Variants in SPTBN4 observed in about 807,000 individuals in gnomAD.
SPTBN4 encodes spectrin beta chain, non-erythrocytic 4.
Under a neutral mutation model 277.8 loss-of-function variants are expected in SPTBN4, and 96 were observed. That is an observed-to-expected ratio of 0.35 (90% CI 0.29 to 0.41). The LOEUF (loss-of-function observed/expected upper bound fraction) is 0.41. Among genes scored for constraint, SPTBN4 ranks in the 10% least tolerant of loss-of-function variants. SPTBN4 has a pLI of 1.00. For missense variants in SPTBN4, 3,006 were observed against 3,595.7 expected (o/e 0.84, Z 4.19); for synonymous variants, 1,481 against 1,580.3 (o/e 0.94, Z 1.49).
At chr19:40,496,898 C>T (rs1166771092) in intron 6 of SPTBN4, among the ~76,000 whole-genome samples, 2 of 151,700 alleles carry the variant, frequency 1.3e-5, no homozygotes, top group Non-Finnish European at 2.9e-5. Flanking sequence ...CATGGTGAAA[C>T]CCCGTCTCTA....
rs74259515 is a variant in SPTBN4, at chr19:40,478,835, C to T, written c.169+6045C>T. The stretch of plus-strand genomic sequence containing the variant: ...GTGCTGGGATTACAGGCGTGAGCCA[C>T]GCCCGGCCTGTATGACTTTCATAAA... On this transcript the variant is annotated intron_variant, in intron 2 of 35. Coordinates refer to ENST00000598249, the MANE Select transcript of SPTBN4 (RefSeq NM_020971.3). Among the ~76,000 whole-genome samples the T allele has an allele frequency of 5.3e-4, 81 of 152,336 alleles. No individual in the cohort carries two copies. In the East Asian group the frequency reaches 0.015, roughly 28 times the overall value.
intron 22 of SPTBN4, among the ~76,000 whole-genome samples, chr19:40,552,587 C>T (rs570182353): frequency 1.3e-5 from 2 of 151,758 alleles, no homozygotes; most frequent in South Asian, 2.1e-4. Flanking sequence ...TCATTATCCT[C>T]ATTTCACCAA....
In SPTBN4 at chr19:40,525,549, G is replaced by A. The variant is rs187688461; in HGVS notation, c.3857+1910G>A. Among the ~76,000 whole-genome samples, 4 of 152,200 alleles carry A rather than the reference G, an allele frequency of 2.6e-5. No homozygotes were observed. In the East Asian group the frequency reaches 7.7e-4, roughly 29 times the overall value. ...TCAGCAAAACGAGGAGGAGGAGCCCGGGGGACTGTTCATTCCATGATTCAT... is the reference window on the plus strand; with the variant it reads ...TCAGCAAAACGAGGAGGAGGAGCCCAGGGGACTGTTCATTCCATGATTCAT... On this transcript the variant is annotated intron_variant, in intron 17 of 35. Transcript: ENST00000598249.
intron 11 of SPTBN4, 95 bp from the exon 12 acceptor site, chr19:40,503,735 G>A: frequency 1.5e-6 from 2 of 1,336,812 alleles, no homozygotes; most frequent in Non-Finnish European, 2.0e-6. Context: ...CAGTCTCCAA[G>A]GTAATGGAGT....
chr19:40,501,664 A>G (rs1247680394), intron 7 of SPTBN4, among the ~76,000 whole-genome samples: 2 of 151,282 alleles, frequency 1.3e-5, no homozygotes, highest in African/African-American at 4.9e-5. Flanking sequence ...GCAAAATTCC[A>G]TCTTAAAAAA....
chr19:40,486,814 G>A (rs2080077355), intron 2 of SPTBN4, among the ~76,000 whole-genome samples: 1 of 152,182 alleles, frequency 6.6e-6, no homozygotes, highest in Admixed American at 6.5e-5. Context: ...CTCTGTGAGG[G>A]CCCTGCTGTA....
At position 40,508,413 on chromosome 19, in the gene SPTBN4, G is replaced by A. The variant is rs539688451; in HGVS notation, c.1816+2027G>A. Among the ~76,000 whole-genome samples, 350 of 152,298 alleles carry A rather than the reference G, an allele frequency of 2.3e-3. 3 individuals are homozygous for A. The highest frequency in any genetic ancestry group is 1.7e-3 in the Non-Finnish European group (117 of 68,034). Reference sequence around the variant, plus strand: ...AAGAAAGTATGATGGGGGGCTAGGCGCGGTGGCTCACGCCTGTAATCCCAG... The same window carrying A: ...AAGAAAGTATGATGGGGGGCTAGGCACGGTGGCTCACGCCTGTAATCCCAG... On this transcript the variant is annotated intron_variant, in intron 13 of 35. Transcript: ENST00000598249.
At chr19:40,549,800 G>T (rs1207871447) in intron 21 of SPTBN4, among the ~76,000 whole-genome samples, 1 of 152,212 alleles carries the variant, frequency 6.6e-6, no homozygotes, top group Non-Finnish European at 1.5e-5. Flanking sequence ...GGCCACAGGG[G>T]TGGCCAAGGC....
rs1352778426 is a variant in SPTBN4 at position 40,519,221 on chromosome 19, GCTGCCCTAA to G, written c.2904-179_2904-171del. Among the ~76,000 whole-genome samples the G allele has an allele frequency of 4.6e-5, 7 of 152,234 alleles. No individual in the cohort carries two copies. Among genetic ancestry groups the G allele is most frequent in the Non-Finnish European group, 1.0e-4 (7 of 68,050 alleles). ...TCTATCAGATTACATGTTGAGAATG[GCTGCCCTAA>G]GCAAAAGTGCTGCGTAGGGTTCCAT... is the stretch of plus-strand genomic sequence containing the variant. On this transcript the variant is annotated intron_variant, in intron 15 of 35. Coordinates refer to ENST00000598249, the MANE Select transcript of SPTBN4 (RefSeq NM_020971.3). This position sits in a 1 kb window ranked among gnomAD's most constrained non-coding sequence, Gnocchi z 5.7.
At chr19:40,551,024 T>A (rs2080912411) in intron 22 of SPTBN4, among the ~76,000 whole-genome samples, 1 of 152,166 alleles carries the variant, frequency 6.6e-6, no homozygotes, top group Non-Finnish European at 1.5e-5. Flanking sequence ...CTAATCATGA[T>A]GGATGGGGTT....
chr19:40,525,309 C>T (rs2080577335), intron 17 of SPTBN4, among the ~76,000 whole-genome samples: 1 of 147,970 alleles, frequency 6.8e-6, no homozygotes, highest in African/African-American at 2.5e-5. Flanking sequence ...CTGGATCCTT[C>T]CTTTGTTCCA....
intron 27 of SPTBN4, 97 bp from the exon 28 acceptor site, chr19:40,565,326 G>A (rs1031335109): frequency 7.1e-7 from 1 of 1,416,900 alleles, no homozygotes. Flanking sequence ...GGTATGGGAT[G>A]TCAGCCTCAA....
At chr19:40,503,734 A>G in intron 11 of SPTBN4, 96 bp from the exon 12 acceptor site, 1 of 1,327,126 alleles carries the variant, frequency 7.5e-7, no homozygotes, top group Non-Finnish European at 1.0e-6. Flanking sequence ...CCAGTCTCCA[A>G]GGTAATGGAG....
Position 40,572,234 on chromosome 19 carries a change from G to C in SPTBN4, c.7493+42G>C. The C allele has an allele frequency of 5.0e-6, 8 of 1,598,248 alleles. No homozygotes were observed. The South Asian group carries it at 8.9e-5, about 18-fold the overall frequency. ...GCAGGAGGGAGGGATCCAAGGCTCAGCTTCAACTCCCAGTGGGACCCTGGC... is the reference window on the plus strand; with the variant it reads ...GCAGGAGGGAGGGATCCAAGGCTCACCTTCAACTCCCAGTGGGACCCTGGC... On this transcript the variant is annotated intron_variant, in intron 34 of 35. Coordinates refer to ENST00000598249, the MANE Select transcript of SPTBN4 (RefSeq NM_020971.3).
intron 35 of SPTBN4, among the ~76,000 whole-genome samples, chr19:40,572,784 C>T (rs1008851999): frequency 2.1e-4 from 32 of 151,948 alleles, no homozygotes; most frequent in Admixed American, 1.3e-3. Flanking sequence ...CATGGTGAAA[C>T]CCCGTCTCTA....
rs779561584 is a variant in SPTBN4 at position 40,572,115 on chromosome 19, A to G, written c.7416A>G (p.Glu2472=). The G allele has an allele frequency of 6.2e-7, 1 of 1,612,970 alleles. No individual in the cohort carries two copies. Among genetic ancestry groups the G allele is most frequent in the Non-Finnish European group, 8.5e-7 (1 of 1,179,540 alleles). ...CATCCGGGAGCACACACGGTGGGGA[A>G]CCGCTGCTCAGCCTGCACAAGGCCA... The part of the protein sequence containing the change: ...GPASGSTHGG[E]PLLSLHKATS... The change falls in exon 34 of 36, where the codon GAA becomes GAG. Residue 2472 remains glutamate, a synonymous_variant. Transcript: ENST00000598249.
intron 20 of SPTBN4, among the ~76,000 whole-genome samples, chr19:40,547,423 C>T (rs1568368235): frequency 6.6e-6 from 1 of 152,150 alleles, no homozygotes; most frequent in Non-Finnish European, 1.5e-5. Flanking sequence ...TTAATCCAGT[C>T]TATCATTGAT....
At position 40,572,352 on chromosome 19, in the gene SPTBN4, G is replaced by A. The variant is rs754528194; in HGVS notation, c.7508G>A (p.Ser2503Asn). The A allele has an allele frequency of 1.2e-6, 2 of 1,614,234 alleles. No homozygotes were observed. Among genetic ancestry groups the A allele is most frequent in the Admixed American group, 3.3e-5 (2 of 60,020 alleles). ...CCTTCCTGCAGGACCCAGGATGGCA[G>A]TGAGTTTTTGCTCCAGGCAAAAGAT... Reference protein sequence around the residue: ...HVFKLQTQDGSEFLLQAKDEE... With the variant: ...HVFKLQTQDGNEFLLQAKDEE... The change falls in exon 35 of 36, where the codon AGT becomes AAT. Residue 2503 changes from serine (S) to asparagine (N), a missense_variant. By Grantham distance (46) the Ser-to-Asn change is conservative. This residue lies in a region of SPTBN4 where 630 missense variants were observed against 677.6 expected (regional missense o/e 0.93). Transcript: ENST00000598249.
At chr19:40,566,998 C>A in intron 30 of SPTBN4, 1 of 283,582 alleles carries the variant, frequency 3.5e-6, no homozygotes, top group South Asian at 2.7e-5. Context: ...AAAAAAAAAC[C>A]GCTTAAAGGC....
Sources: allele counts gnomAD v4.1 joint callset (sites outside exome capture counted in the v4.1 genomes callset), GRCh38; gene constraint gnomAD v4.1.1; regional missense constraint gnomAD v4.1.1; non-coding constraint Gnocchi (gnomAD v3.1); transcripts MANE v1.5; gene names NCBI Gene and HGNC (gene_info 2026-07-23, HGNC 2026-07-21).